The following MSI2 variants were observed in gnomAD, a reference collection of about 807,000 sequenced individuals.
MSI2 encodes the protein RNA-binding protein Musashi homolog 2.
In MSI2, 17 loss-of-function variants were observed where a neutral mutation model predicts 45.6. The ratio of observed to expected loss-of-function variants is 0.37; its 90% CI spans 0.26 to 0.56. The LOEUF is 0.56. Among genes scored for constraint, MSI2 ranks in the 20% least tolerant of loss-of-function variants. The probability of loss-of-function intolerance (pLI) is 0.77; values close to 1 mark genes in which losing one functional copy is unlikely to be tolerated. For synonymous variants in MSI2, 156 were observed against 158.2 expected (o/e 0.99, Z 0.11); for missense variants, 293 against 444.2 (o/e 0.66, Z 3.06).
chr17:57,393,992 A>G (rs1297897541), intron 5 of MSI2, among the ~76,000 whole-genome samples: 1 of 152,168 alleles, frequency 6.6e-6, no homozygotes, highest in Non-Finnish European at 1.5e-5. Flanking sequence ...TGGTAACACT[A>G]TGTTTAATCA....
chr17:57,476,304 C>T (rs553492868), intron 6 of MSI2, among the ~76,000 whole-genome samples: 5 of 152,308 alleles, frequency 3.3e-5, no homozygotes, highest in East Asian at 1.9e-4. Flanking sequence ...TGCATTGCAA[C>T]GCATTAGGAA....
At chr17:57,686,680 GAC>G (rs1913892210), downstream of MSI2, among the ~76,000 whole-genome samples, 1 of 152,226 alleles carries the variant, frequency 6.6e-6, no homozygotes, top group Non-Finnish European at 1.5e-5. Flanking sequence ...CATGACAAAA[GAC>G]ACAATCTATT....
intron 6 of MSI2, among the ~76,000 whole-genome samples, chr17:57,463,991 G>A (rs1383514716): frequency 4.0e-5 from 2 of 49,478 alleles, no homozygotes; most frequent in African/African-American, 1.5e-4. Flanking sequence ...TTTAATGAAC[G>A]TGTGTGTGTG....
chr17:57,505,174 G>A (rs12103686), intron 6 of MSI2, among the ~76,000 whole-genome samples: 10,512 of 152,204 alleles, frequency 0.069, 575 homozygotes, highest in South Asian at 0.23. Context: ...GAAACCAACA[G>A]CAAAGAAGTG....
At chr17:57,326,878 C>T (rs1913840789) in intron 5 of MSI2, among the ~76,000 whole-genome samples, 1 of 152,144 alleles carries the variant, frequency 6.6e-6, no homozygotes, top group Admixed American at 6.5e-5. Flanking sequence ...AGGACTATAC[C>T]TTGTCCCACT....
At chr17:57,396,799 GCGCACACA>G (rs2083899059) in intron 5 of MSI2, among the ~76,000 whole-genome samples, 1 of 152,166 alleles carries the variant, frequency 6.6e-6, no homozygotes, top group Non-Finnish European at 1.5e-5. Context: ...ACAGGCAAGA[GCGCACACA>G]CGCACACATG....
At chr17:57,347,184 C>G (rs1285040993) in intron 5 of MSI2, among the ~76,000 whole-genome samples, 1 of 152,058 alleles carries the variant, frequency 6.6e-6, no homozygotes, top group Non-Finnish European at 1.5e-5. Context: ...ACCATTGTTC[C>G]TGGAAATGAG....
chr17:57,412,915 TTATC>T (rs2143212915), intron 6 of MSI2, among the ~76,000 whole-genome samples: 1 of 152,348 alleles, frequency 6.6e-6, no homozygotes, highest in East Asian at 1.9e-4. Context: ...CTCACTTTCT[TTATC>T]TGTAAAATGG....
intron 5 of MSI2, among the ~76,000 whole-genome samples, chr17:57,345,057 C>T (rs1380603440): frequency 1.3e-5 from 2 of 151,662 alleles, no homozygotes; most frequent in African/African-American, 4.8e-5. Context: ...GGCGAGACTC[C>T]GTCTCAAAAA....
chr17:57,286,055 T>G, intron 5 of MSI2: 1 of 1,334,130 alleles, frequency 7.5e-7, no homozygotes, highest in Non-Finnish European at 1.0e-6. Context: ...AGCCAGCCTC[T>G]TTCTGTCTTT....
chr17:57,640,349 A>T (rs186706359), intron 10 of MSI2, among the ~76,000 whole-genome samples: 2 of 152,342 alleles, frequency 1.3e-5, no homozygotes, highest in Non-Finnish European at 2.9e-5. Context: ...CTCACAAGCG[A>T]ATTATCAATG....
chr17:57,543,922 T>A (rs886865077), intron 7 of MSI2, among the ~76,000 whole-genome samples: 4 of 152,254 alleles, frequency 2.6e-5, no homozygotes, highest in Admixed American at 1.3e-4. Context: ...AATCATCTAA[T>A]TACATGTTTT....
chr17:57,475,015 C>T (rs1183550485), intron 6 of MSI2, among the ~76,000 whole-genome samples: 3 of 152,220 alleles, frequency 2.0e-5, no homozygotes. Context: ...AGCCACCGCA[C>T]GCACCCAGCC....
intron 9 of MSI2, chr17:57,618,301 A>T (rs1044981966): frequency 1.3e-5 from 2 of 152,140 alleles, no homozygotes; most frequent in African/African-American, 4.8e-5. Context: ...TTGGAAATGA[A>T]GCAGCACAAA....
chr17:57,560,633 T>A (rs1248298448), intron 7 of MSI2, among the ~76,000 whole-genome samples: 2 of 152,230 alleles, frequency 1.3e-5, no homozygotes, highest in African/African-American at 4.8e-5. Context: ...ACTCCTTATC[T>A]GCAAGATGGG....
At chr17:57,527,795 C>G (rs533209716) in intron 6 of MSI2, among the ~76,000 whole-genome samples, 2 of 152,332 alleles carry the variant, frequency 1.3e-5, no homozygotes, top group East Asian at 1.9e-4. Flanking sequence ...TCCATTCTTA[C>G]CTTGACTTTG....
At chr17:57,672,140 CTT>C (rs201456066) in intron 11 of MSI2, among the ~76,000 whole-genome samples, 1,839 of 152,284 alleles carry the variant, frequency 0.012, 15 homozygotes, top group Admixed American at 0.018. Flanking sequence ...TGCAAGGTGA[CTT>C]TGAGCTGAGG....
chr17:57,526,857 G>GCGAGT (rs2086713129), intron 6 of MSI2, among the ~76,000 whole-genome samples: 1 of 152,004 alleles, frequency 6.6e-6, no homozygotes, highest in Non-Finnish European at 1.5e-5. Context: ...GGAGGTCTTT[G>GCGAGT]CGAGCCCCAT....
intron 6 of MSI2, among the ~76,000 whole-genome samples, chr17:57,462,330 T>C (rs1379609784): frequency 2.0e-5 from 3 of 152,202 alleles, no homozygotes; most frequent in Non-Finnish European, 4.4e-5. Flanking sequence ...CCTTACTGTG[T>C]GGGTCCCAGC....
Sources: allele counts gnomAD v4.1 joint callset (sites outside exome capture counted in the v4.1 genomes callset), GRCh38; gene constraint gnomAD v4.1.1; transcripts MANE v1.5; gene names NCBI Gene and HGNC (gene_info 2026-07-23, HGNC 2026-07-21).